Variants in MTSS1 observed in about 807,000 individuals in gnomAD.
The protein encoded by MTSS1 is MTSS I-BAR domain containing 1, also known as protein MTSS 1.
Under a neutral mutation model 79.0 loss-of-function variants are expected in MTSS1, and 18 were observed. That is an observed-to-expected ratio of 0.23 (90% CI 0.16 to 0.34). The LOEUF (loss-of-function observed/expected upper bound fraction) is 0.34. Among genes scored for constraint, MTSS1 ranks in the 10% least tolerant of loss-of-function variants. The pLI is 1.00. For missense variants in MTSS1, 815 were observed against 986.2 expected (o/e 0.83, Z 2.33); for synonymous variants, 341 against 368.6 (o/e 0.93, Z 0.86).
Position 124,606,563 on chromosome 8 carries a change from T to G in MTSS1, c.209-15328A>C, listed in dbSNP as rs368498855. Among the ~76,000 whole-genome samples the G allele has an allele frequency of 7.9e-4, 120 of 152,260 alleles. 1 individual carries two copies. Among genetic ancestry groups the G allele is most frequent in the Middle Eastern group, 3.4e-3 (1 of 294 alleles). ...GAATTTACATCCAGGGCTGAGTCGA[T>G]AGCTAGAACTTTCAACCACTCCATT... On this transcript the variant is annotated intron_variant, in intron 3 of 13. Coordinates refer to ENST00000518547, the MANE Select transcript of MTSS1 (RefSeq NM_014751.6).
At chr8:124,647,096 C>T (rs1183967622) in intron 3 of MTSS1, among the ~76,000 whole-genome samples, 1 of 152,166 alleles carries the variant, frequency 6.6e-6, no homozygotes, top group Admixed American at 6.5e-5. Context: ...GTGATCCTCC[C>T]GCCTCAGCTT....
chr8:124,714,045 G>A (rs768910039), intron 1 of MTSS1, among the ~76,000 whole-genome samples: 2 of 152,148 alleles, frequency 1.3e-5, no homozygotes, highest in Non-Finnish European at 2.9e-5. Context: ...TGGCCATTAC[G>A]GCCATGACAT....
chr8:124,553,153 G>A lies in MTSS1; in HGVS notation c.2107C>T (p.Pro703Ser), dbSNP rs574779812. The change falls in exon 14 of 14, where the codon CCA becomes TCA. Residue 703 changes from proline (P) to serine (S), a missense_variant. Around this residue, in one of 2 missense-constraint regions of MTSS1, gnomAD observed 590 missense variants for 620.8 expected, o/e 0.95. Transcript: ENST00000518547. This position sits in a 1 kb window ranked among gnomAD's most constrained non-coding sequence, Gnocchi z 6.0. ...TGGCCTGGGGAGACAGTGGCACTTG[G>A]GGGTTCCCGTTCCTGGTCTTCAGCT... ...SEAEDQEREPPSATVSPGQIP... is the reference protein window; with the variant it reads ...SEAEDQEREPSSATVSPGQIP... 99 of 1,614,124 alleles carry A rather than the reference G, an allele frequency of 6.1e-5. No individual in the cohort carries two copies. The South Asian group carries it at 9.9e-4, about 16-fold the overall frequency.
chr8:124,660,439 C>CACA (rs1212456141), intron 3 of MTSS1, among the ~76,000 whole-genome samples: 2 of 133,470 alleles, frequency 1.5e-5, no homozygotes, highest in African/African-American at 7.8e-5. Flanking sequence ...CATGCACACA[C>CACA]ACACACACAC....
intron 3 of MTSS1, among the ~76,000 whole-genome samples, chr8:124,644,950 C>A (rs1055575229): frequency 4.6e-5 from 7 of 152,200 alleles, no homozygotes; most frequent in Admixed American, 2.6e-4. Flanking sequence ...ATTCATTGAG[C>A]CATAAACGTT....
intron 10 of MTSS1, 92 bp downstream of exon 10, chr8:124,562,690 G>T: frequency 1.6e-6 from 2 of 1,282,250 alleles, no homozygotes; most frequent in Non-Finnish European, 2.2e-6. Context: ...GCAGGGGATT[G>T]TCTAAGCCAA....
chr8:124,643,698 C>CA (rs11323836), intron 3 of MTSS1, among the ~76,000 whole-genome samples: 4,143 of 64,448 alleles, frequency 0.064, 97 homozygotes, highest in Non-Finnish European at 0.088. Context: ...AATTCCGTCT[C>CA]AAAAAAAAAA....
intron 6 of MTSS1, 187 bp from the exon 7 acceptor site, chr8:124,568,723 A>G (rs530464424): frequency 5.4e-6 from 8 of 1,487,486 alleles, no homozygotes; most frequent in East Asian, 4.9e-5. Context: ...CCAATTTTCA[A>G]TGCCCAAAGG....
chr8:124,569,725 T>C (rs1185836745), intron 6 of MTSS1, among the ~76,000 whole-genome samples: 9 of 152,250 alleles, frequency 5.9e-5, no homozygotes, highest in Admixed American at 2.0e-4. Flanking sequence ...GATAAATGTC[T>C]GTTTAATAGT....
intron 1 of MTSS1, among the ~76,000 whole-genome samples, chr8:124,717,797 G>A (rs1029567465): frequency 3.3e-5 from 5 of 152,154 alleles, no homozygotes; most frequent in African/African-American, 1.2e-4. Flanking sequence ...CTTATTCCAT[G>A]TGTCTCCTTC....
intron 3 of MTSS1, among the ~76,000 whole-genome samples, chr8:124,654,354 C>T (rs1342334193): frequency 1.3e-5 from 2 of 152,170 alleles, no homozygotes. Context: ...GCACGCAAAG[C>T]ATCACAGAAG....
chr8:124,671,317 C>T (rs1039369234), intron 3 of MTSS1, among the ~76,000 whole-genome samples: 1 of 152,168 alleles, frequency 6.6e-6, no homozygotes, highest in East Asian at 1.9e-4. Flanking sequence ...ACTCCAGAGA[C>T]CTGTCTCCTC....
chr8:124,648,962 G>A (rs1355907312), intron 3 of MTSS1, among the ~76,000 whole-genome samples: 2 of 152,356 alleles, frequency 1.3e-5, no homozygotes, highest in East Asian at 3.9e-4. Flanking sequence ...AAGTAGGAAT[G>A]GATCCAGATT....
At chr8:124,707,915 C>T (rs1248039075) in intron 1 of MTSS1, among the ~76,000 whole-genome samples, 4 of 152,232 alleles carry the variant, frequency 2.6e-5, no homozygotes, top group South Asian at 4.2e-4. Context: ...GCATGTTCAT[C>T]GAGAACATGC....
chr8:124,723,987 C>T (rs1436406398), intron 1 of MTSS1, among the ~76,000 whole-genome samples: 1 of 152,180 alleles, frequency 6.6e-6, no homozygotes, highest in Admixed American at 6.5e-5. Flanking sequence ...TTCATGACCA[C>T]CATATTGGAT....
intron 3 of MTSS1, among the ~76,000 whole-genome samples, chr8:124,646,062 G>T (rs541864759): frequency 5.9e-5 from 9 of 152,236 alleles, no homozygotes; most frequent in African/African-American, 2.2e-4. Flanking sequence ...GACAGTGAGG[G>T]TTTTAAAAAA....
intron 3 of MTSS1, among the ~76,000 whole-genome samples, chr8:124,603,891 G>C (rs187624997): frequency 6.6e-6 from 1 of 152,232 alleles, no homozygotes; most frequent in Non-Finnish European, 1.5e-5. Flanking sequence ...CAATCTTTTG[G>C]CTTCTCTGGG....
At chr8:124,687,246 G>A (rs1001193959) in intron 3 of MTSS1, among the ~76,000 whole-genome samples, 6 of 152,152 alleles carry the variant, frequency 3.9e-5, no homozygotes, top group African/African-American at 7.2e-5. Context: ...ACCAGGGCTT[G>A]GGATCACTGT....
chr8:124,556,517 T>TC, intron 11 of MTSS1, 112 bp from the exon 12 acceptor site: 1 of 1,225,438 alleles, frequency 8.2e-7, no homozygotes. Flanking sequence ...AAGGGGAACC[T>TC]CCGGCTGGGA....
Sources: allele counts gnomAD v4.1 joint callset (sites outside exome capture counted in the v4.1 genomes callset), GRCh38; gene constraint gnomAD v4.1.1; regional missense constraint gnomAD v4.1.1; non-coding constraint Gnocchi (gnomAD v3.1); transcripts MANE v1.5; gene names NCBI Gene and HGNC (gene_info 2026-07-23, HGNC 2026-07-21).